NINJ2: variants seen among roughly 807,000 people sequenced by gnomAD.
The protein encoded by NINJ2 is ninjurin 2.
A neutral mutation model predicts 11.7 loss-of-function variants in NINJ2; 12 were observed. The ratio of observed to expected loss-of-function variants is 1.02; its 90% confidence interval spans 0.66 to 1.66. The LOEUF (loss-of-function observed/expected upper bound fraction) is 1.66, where lower values mean the gene tolerates loss of function less well. NINJ2 is among the 40% of genes most tolerant of loss of function. The pLI, the probability that NINJ2 is intolerant of heterozygous loss-of-function variation, is 0.00. For synonymous variants in NINJ2, 93 were observed against 76.8 expected, an observed-to-expected ratio of 1.21 and a Z score of -1.10; for missense variants, 187 against 181.8, an observed-to-expected ratio of 1.03 and a Z score of -0.16.
chr12:588,163 G>C (rs61919376), intron 1 of NINJ2, among the ~76,000 whole-genome samples: 37,732 of 140,826 alleles, frequency 0.27, 5,197 homozygotes, highest in Admixed American at 0.36. Flanking sequence ...AGGAAGGGAA[G>C]GGACGGAAGG....
intron 1 of NINJ2, 90 bp downstream of exon 1, chr12:663,238 A>G (rs1937983006): frequency 8.5e-7 from 1 of 1,176,636 alleles, no homozygotes; most frequent in Non-Finnish European, 1.2e-6. Flanking sequence ...GGGAGGGAGA[A>G]TATCAAGTGA....
intron 1 of NINJ2, among the ~76,000 whole-genome samples, chr12:647,213 G>A (rs995025079): frequency 2.0e-5 from 3 of 152,220 alleles, no homozygotes; most frequent in African/African-American, 7.2e-5. Flanking sequence ...GCCTTCAGTA[G>A]CTCTCTTCCC....
At chr12:654,346 C>A (rs912805249) in intron 1 of NINJ2, among the ~76,000 whole-genome samples, 1 of 150,708 alleles carries the variant, frequency 6.6e-6, no homozygotes, top group African/African-American at 2.4e-5. Flanking sequence ...CATGGAGAAA[C>A]CCCGTCTCTA....
intron 1 of NINJ2, among the ~76,000 whole-genome samples, chr12:596,376 TA>T (rs1160212801): frequency 6.6e-6 from 1 of 152,194 alleles, no homozygotes; most frequent in Non-Finnish European, 1.5e-5. Flanking sequence ...TGTTGCGTGA[TA>T]ATGATGTGTC....
At chr12:627,862 G>C (rs529614000) in intron 1 of NINJ2, among the ~76,000 whole-genome samples, 13 of 152,214 alleles carry the variant, frequency 8.5e-5, no homozygotes, top group Non-Finnish European at 1.8e-4. Context: ...GAGAACCCGG[G>C]AAGTGGAGGT....
At chr12:643,832 G>A (rs9669247) in intron 1 of NINJ2, 69,370 of 243,982 alleles carry the variant, frequency 0.28, 10,610 homozygotes, top group Middle Eastern at 0.34. Context: ...CCAGCTCATC[G>A]CTCAGGTCTT....
chr12:612,621 G>A (rs773228217), intron 1 of NINJ2, among the ~76,000 whole-genome samples: 3 of 152,166 alleles, frequency 2.0e-5, no homozygotes, highest in Non-Finnish European at 2.9e-5. Flanking sequence ...AGGGCTCGAG[G>A]TTCTGGCCCA....
intron 1 of NINJ2, among the ~76,000 whole-genome samples, chr12:611,245 T>TTCTC (rs746399101): frequency 1.1e-4 from 12 of 113,104 alleles, no homozygotes; most frequent in African/African-American, 4.5e-4. Flanking sequence ...CTTTCTTTCT[T>TTCTC]TCTCTCTCTC....
intron 1 of NINJ2, among the ~76,000 whole-genome samples, chr12:598,268 TC>T (rs1180133567): frequency 7.2e-5 from 11 of 152,164 alleles, no homozygotes; most frequent in Non-Finnish European, 1.0e-4. Flanking sequence ...TTCACTGACC[TC>T]CCCCTGGGCA....
In NINJ2 at chr12:640,388, G is replaced by A. The variant is rs1189580614; in HGVS notation, c.33+22940C>T. The stretch of plus-strand genomic sequence containing the variant: ...GGCTCCTTGCCTGAGCAAAGTTAAA[G>A]TGTAGTTCTTTCAATACAATTCATT... On this transcript the variant is annotated intron_variant, in intron 1 of 3. Transcript: ENST00000305108. The surrounding 1 kb of genome is among the most constrained non-coding windows in gnomAD (Gnocchi z 4.0). Among the ~76,000 whole-genome samples the A allele has an allele frequency of 6.6e-6, 1 of 152,186 alleles. No individual in the cohort carries two copies. The highest frequency in any genetic ancestry group is 2.4e-5 in the African/African-American group (1 of 41,448).
At chr12:662,400 C>T (rs1253280501) in intron 1 of NINJ2, among the ~76,000 whole-genome samples, 1 of 143,920 alleles carries the variant, frequency 6.9e-6, no homozygotes, top group East Asian at 2.1e-4. Context: ...CCAAAACACA[C>T]ACAGAGAACG....
At chr12:653,779 T>C (rs1937831526) in intron 1 of NINJ2, among the ~76,000 whole-genome samples, 1 of 152,168 alleles carries the variant, frequency 6.6e-6, no homozygotes, top group African/African-American at 2.4e-5. Flanking sequence ...GATCCAACTA[T>C]ATCAGTAATC....
chr12:637,020 T>TAA (rs1481730025), intron 1 of NINJ2, among the ~76,000 whole-genome samples: 5 of 152,230 alleles, frequency 3.3e-5, no homozygotes, highest in African/African-American at 1.2e-4. Flanking sequence ...CCAAATGCGA[T>TAA]ATATTCATAC....
intron 1 of NINJ2, among the ~76,000 whole-genome samples, chr12:649,336 C>T (rs1592118108): frequency 6.6e-6 from 1 of 151,996 alleles, no homozygotes; most frequent in African/African-American, 2.4e-5. Flanking sequence ...TATGAGCCAC[C>T]GCGCCCAGCT....
At position 566,142 on chromosome 12, in the gene NINJ2, G is replaced by A; in HGVS notation, c.70C>T (p.Leu24=). The A allele has an allele frequency of 6.2e-7, 1 of 1,614,126 alleles. No homozygotes were observed. Among genetic ancestry groups the A allele is most frequent in the East Asian group, 2.2e-5 (1 of 44,892 alleles). The stretch of plus-strand genomic sequence containing the variant: ...CTCTTCTTGGTGGCGTAATGGTTCA[G>A]GTTGATGGGCTGGCTCCTGGGGTCG... ...SSDPRSQPIN[L]NHYATKKSVA... is the part of the protein sequence containing the mutation. Residue 24 remains leucine (L), a synonymous_variant, in exon 2 of 4, where the codon CTG becomes TTG. Coordinates refer to ENST00000305108, the MANE Select transcript of NINJ2 (RefSeq NM_016533.6).
At chr12:573,575 T>C (rs1265006162) in intron 1 of NINJ2, among the ~76,000 whole-genome samples, 1 of 151,152 alleles carries the variant, frequency 6.6e-6, no homozygotes, top group African/African-American at 2.4e-5. Flanking sequence ...CAAGAGTCCA[T>C]CTAAAACAAA....
chr12:601,523 G>A (rs1295631475), intron 1 of NINJ2, among the ~76,000 whole-genome samples: 1 of 148,644 alleles, frequency 6.7e-6, no homozygotes, highest in Non-Finnish European at 1.5e-5. Context: ...ACTCCAGCCT[G>A]GGCCACAGAA....
rs772320575 is a variant in NINJ2 at position 580,900 on chromosome 12, CTG to C, written c.34-14724_34-14723del. Reference sequence around the variant, plus strand: ...TGTGTCTATGCATGTGTCTGTGTGTCTGTGTGTGTGTCTGTATGTTTGTGTGT... The same window carrying C: ...TGTGTCTATGCATGTGTCTGTGTGTCTGTGTGTGTCTGTATGTTTGTGTGT... On this transcript the variant is annotated intron_variant, in intron 1 of 3. Transcript: ENST00000305108. The surrounding 1 kb of genome is among the most constrained non-coding windows in gnomAD (Gnocchi z 4.7). Among the ~76,000 whole-genome samples the C allele has an allele frequency of 8.6e-4, 128 of 149,162 alleles. 1 individual carries two copies. The highest frequency in any genetic ancestry group is 1.4e-3 in the Non-Finnish European group (96 of 67,278).
chr12:641,519 C>G (rs996709889), intron 1 of NINJ2, among the ~76,000 whole-genome samples: 2 of 152,158 alleles, frequency 1.3e-5, no homozygotes, highest in Non-Finnish European at 2.9e-5. Flanking sequence ...TTCCAGATCA[C>G]TAGCTCTGAT....
Sources: gnomAD v4.1 joint callset for allele counts (sites outside exome capture counted in the v4.1 genomes callset) on GRCh38, gnomAD v4.1.1 for gene constraint, Gnocchi (gnomAD v3.1) non-coding constraint, MANE v1.5 for transcripts, NCBI Gene and HGNC (gene_info 2026-07-23, HGNC 2026-07-21) for gene names.